The following TSPAN5 variants were observed in gnomAD, a reference collection of about 807,000 sequenced individuals.
TSPAN5 encodes the protein tetraspanin 5, also known as tetraspanin-5.
A neutral mutation model predicts 37.1 loss-of-function variants in TSPAN5; 10 were observed. The ratio of observed to expected loss-of-function variants is 0.27; its 90% CI spans 0.17 to 0.46. TSPAN5 has a LOEUF of 0.46. TSPAN5 is among the 20% of genes least tolerant of loss of function. The pLI, the probability that TSPAN5 is intolerant of heterozygous loss-of-function variation, is 1.00. For missense variants in TSPAN5, 195 were observed against 326.6 expected, an observed-to-expected ratio of 0.60 and a Z score of 3.11; for synonymous variants, 110 against 118.9, an observed-to-expected ratio of 0.93 and a Z score of 0.48.
intron 1 of TSPAN5, among the ~76,000 whole-genome samples, chr4:98,576,427 T>A (rs556246575): frequency 1.3e-5 from 2 of 152,298 alleles, no homozygotes; most frequent in African/African-American, 4.8e-5. Context: ...TTTATCTAGA[T>A]ATTTTGATTT....
At chr4:98,499,593 T>C (rs947967935) in intron 2 of TSPAN5, among the ~76,000 whole-genome samples, 1 of 152,028 alleles carries the variant, frequency 6.6e-6, no homozygotes, top group Non-Finnish European at 1.5e-5. Flanking sequence ...GAAACATTAC[T>C]GATTAGAGCA....
At chr4:98,590,790 A>G (rs1755611792) in intron 1 of TSPAN5, among the ~76,000 whole-genome samples, 1 of 152,114 alleles carries the variant, frequency 6.6e-6, no homozygotes, top group Non-Finnish European at 1.5e-5. Context: ...TTCTGAACAC[A>G]GGTCAACTGA....
intron 1 of TSPAN5, among the ~76,000 whole-genome samples, chr4:98,611,552 C>T (rs9999822): frequency 0.017 from 2,577 of 152,244 alleles, 59 homozygotes; most frequent in African/African-American, 0.059. Flanking sequence ...TGAAAATATG[C>T]CAGATGCTTA....
chr4:98,609,895 G>A (rs956610030), intron 1 of TSPAN5, among the ~76,000 whole-genome samples: 1 of 152,140 alleles, frequency 6.6e-6, no homozygotes, highest in African/African-American at 2.4e-5. Context: ...TAAGTCAGAG[G>A]CTGCCTGACT....
intron 1 of TSPAN5, among the ~76,000 whole-genome samples, chr4:98,539,600 T>C (rs76446106): frequency 0.016 from 2,386 of 152,256 alleles, 72 homozygotes; most frequent in African/African-American, 0.054. Context: ...CTTTTGTATC[T>C]TGCAATACTC....
intron 1 of TSPAN5, among the ~76,000 whole-genome samples, chr4:98,605,685 T>A (rs1367673750): frequency 1.3e-5 from 2 of 152,244 alleles, no homozygotes; most frequent in Non-Finnish European, 2.9e-5. Flanking sequence ...ACTTCATCCC[T>A]GTGAATAATC....
Position 98,476,321 on chromosome 4 carries a change from G to A in TSPAN5, c.625-16C>T, listed in dbSNP as rs1228270154. The stretch of plus-strand genomic sequence containing the variant: ...GGTCAACTTCCTTCACAAGAGAAGA[G>A]GAGAGCACATTGTCACAGATAGAGC... On this transcript the variant is annotated splice_polypyrimidine_tract_variant and intron_variant, in intron 6 of 7. Transcript: ENST00000305798. 2.5e-6 allele frequency: 4 copies of A among 1,613,630 alleles called. No homozygotes were observed. Among genetic ancestry groups the A allele is most frequent in the Non-Finnish European group, 3.4e-6 (4 of 1,179,508 alleles).
intron 3 of TSPAN5, among the ~76,000 whole-genome samples, chr4:98,485,762 C>CTTTTTT (rs766494512): frequency 1.2e-5 from 1 of 86,594 alleles, no homozygotes; most frequent in African/African-American, 4.5e-5. Context: ...CTTGGATATG[C>CTTTTTT]TTTTTTTTTT....
intron 1 of TSPAN5, among the ~76,000 whole-genome samples, chr4:98,551,492 C>CTTTTTTTTTTTTTTTTT (rs35415457): frequency 2.2e-5 from 2 of 92,240 alleles, no homozygotes; most frequent in African/African-American, 8.3e-5. Flanking sequence ...TTTTTCTTTT[C>CTTTTTTTTTTTTTTTTT]TTTTTTTTTT....
intron 1 of TSPAN5, among the ~76,000 whole-genome samples, chr4:98,619,859 G>A (rs1036103043): frequency 6.6e-6 from 1 of 152,136 alleles, no homozygotes; most frequent in Non-Finnish European, 1.5e-5. Flanking sequence ...CTCTCACTGC[G>A]TCCTCACGTG....
intron 4 of TSPAN5, among the ~76,000 whole-genome samples, chr4:98,479,676 G>A (rs957540102): frequency 6.6e-6 from 1 of 152,174 alleles, no homozygotes; most frequent in Non-Finnish European, 1.5e-5. Flanking sequence ...ACTCCCTTCT[G>A]AGAATTTCTG....
intron 1 of TSPAN5, among the ~76,000 whole-genome samples, chr4:98,567,392 A>G (rs1217040900): frequency 6.6e-6 from 1 of 152,248 alleles, no homozygotes; most frequent in Non-Finnish European, 1.5e-5. Context: ...CCATCACAAC[A>G]TTAAAATATA....
At position 98,630,180 on chromosome 4, in the gene TSPAN5, T is replaced by C. The variant is rs142173808; in HGVS notation, c.81+27966A>G. On this transcript the variant is annotated intron_variant, in intron 1 of 7. Coordinates refer to ENST00000305798, the MANE Select transcript of TSPAN5 (RefSeq NM_005723.4). ...CAGCATCAGAGTTCCTGGAGGGTTA[T>C]GCCCAGGGTAGGCTGCAAGGGTGCT... Among the ~76,000 whole-genome samples the C allele has an allele frequency of 5.0e-3, 756 of 152,268 alleles. 7 individuals carry two copies. Among genetic ancestry groups the C allele is most frequent in the African/African-American group, 0.017 (719 of 41,544 alleles).
intron 1 of TSPAN5, among the ~76,000 whole-genome samples, chr4:98,572,934 C>A (rs1001728344): frequency 6.6e-6 from 1 of 152,206 alleles, no homozygotes; most frequent in Admixed American, 6.5e-5. Flanking sequence ...TTGCCCACTG[C>A]ATAATTAGCC....
rs143731804 is a variant in TSPAN5, at chr4:98,479,732, T to A, written c.451-922A>T. Among the ~76,000 whole-genome samples the A allele has an allele frequency of 3.8e-3, 575 of 152,344 alleles. 4 individuals carry two copies. The highest frequency in any genetic ancestry group is 0.02 in the Middle Eastern group (6 of 294). On this transcript the variant is annotated intron_variant, in intron 4 of 7. Transcript: ENST00000305798. Reference sequence around the variant, plus strand: ...TCACGTCCTGTTTCTATGGATTGTTTGTAACTGGCTTTTGCTGCAACTGTT... The same window carrying A: ...TCACGTCCTGTTTCTATGGATTGTTAGTAACTGGCTTTTGCTGCAACTGTT...
chr4:98,570,686 C>G (rs962005123), intron 1 of TSPAN5, among the ~76,000 whole-genome samples: 1 of 152,092 alleles, frequency 6.6e-6, no homozygotes, highest in Non-Finnish European at 1.5e-5. Context: ...GGAACAGAAA[C>G]AGAGAGAGAT....
chr4:98,627,034 G>A (rs1238753595), intron 1 of TSPAN5, among the ~76,000 whole-genome samples: 1 of 151,962 alleles, frequency 6.6e-6, no homozygotes, highest in Non-Finnish European at 1.5e-5. Context: ...ATGAAGCATT[G>A]TAAGAGAGAG....
chr4:98,658,034 T>C lies in TSPAN5; in HGVS notation c.81+112A>G, dbSNP rs1757326862. 9.5e-6 allele frequency: 9 copies of C among 943,220 alleles called. No individual in the cohort carries two copies. In the South Asian group the frequency reaches 1.2e-4, roughly 12 times the overall value. The allele number at this position is 943,220 out of a possible 1,614,324, so 58.4% of individuals were successfully genotyped here. On this transcript the variant is annotated intron_variant, in intron 1 of 7. Transcript: ENST00000305798. ...CGGAAGGCGAATGCCTCTATGCTGC[T>C]CCGGCAAGCGCCTGCGGGGCTGCGA...
At chr4:98,480,933 G>A (rs1047049553) in intron 4 of TSPAN5, among the ~76,000 whole-genome samples, 3 of 152,130 alleles carry the variant, frequency 2.0e-5, no homozygotes, top group Non-Finnish European at 4.4e-5. Context: ...TAAGGAAGGG[G>A]ATGGCCTCCC....
Sources: gnomAD v4.1 joint callset for allele counts (sites outside exome capture counted in the v4.1 genomes callset) on GRCh38, gnomAD v4.1.1 for gene constraint, MANE v1.5 for transcripts, NCBI Gene and HGNC (gene_info 2026-07-23, HGNC 2026-07-21) for gene names.